ERGIC2: variants seen among roughly 807,000 people sequenced by gnomAD.
The protein encoded by ERGIC2 is endoplasmic reticulum-Golgi intermediate compartment protein 2.
In ERGIC2, 31 loss-of-function variants were observed where a neutral mutation model predicts 52.5. The ratio of observed to expected loss-of-function variants is 0.59; its 90% CI spans 0.44 to 0.80. ERGIC2 has a LOEUF of 0.80. Among genes scored for constraint, ERGIC2 ranks in the 30% least tolerant of loss-of-function variants. ERGIC2 has a pLI of 0.00. For synonymous variants in ERGIC2, 129 were observed against 140.6 expected (o/e 0.92, Z 0.58); for missense variants, 395 against 455.2 (o/e 0.87, Z 1.20).
intron 5 of ERGIC2, among the ~76,000 whole-genome samples, chr12:29,365,157 G>T (rs1483259505): frequency 6.6e-6 from 1 of 151,998 alleles, no homozygotes; most frequent in Non-Finnish European, 1.5e-5. Context: ...CATGCACTCT[G>T]ATCTTTATTG....
chr12:29,369,847 A>G (rs1940413801), intron 3 of ERGIC2, among the ~76,000 whole-genome samples: 1 of 152,002 alleles, frequency 6.6e-6, no homozygotes, highest in Non-Finnish European at 1.5e-5. Context: ...TTTCCACAAT[A>G]TACATATCTA....
In ERGIC2 at chr12:29,339,170, C is replaced by T. The variant is rs1949819493; in HGVS notation, c.*1986G>A. ...AAATCAAAGGCAAAGCAGAATTTTGCTTTAAAGAAATTCCTTTCATAGGAG... is the reference window on the plus strand; with the variant it reads ...AAATCAAAGGCAAAGCAGAATTTTGTTTTAAAGAAATTCCTTTCATAGGAG... On this transcript the variant is annotated 3_prime_UTR_variant, in exon 14 of 14. Transcript: ENST00000360150. 2 of 152,060 alleles carry T rather than the reference C, an allele frequency of 1.3e-5. No individual in the cohort carries two copies. The highest frequency in any genetic ancestry group is 4.1e-4 in the South Asian group (2 of 4,822). 9.4% of individuals were successfully genotyped at this position (152,060 alleles called of 1,614,324 possible). A position where few individuals can be genotyped will look rare whatever the true frequency, so the allele number is the denominator to read the frequency against.
chr12:29,338,571 G>A lies in ERGIC2; in HGVS notation c.*2585C>T, dbSNP rs1949813957. ...AAGCAGGAGGATTGCTTGAACCCAG[G>A]AGTTCGAGGATGCAGTGAGTTACAA... On this transcript the variant is annotated 3_prime_UTR_variant, in exon 14 of 14. Coordinates refer to ENST00000360150, the MANE Select transcript of ERGIC2 (RefSeq NM_016570.3). The A allele has an allele frequency of 6.6e-6, 1 of 152,118 alleles. No homozygotes were observed. Among genetic ancestry groups the A allele is most frequent in the South Asian group, 2.1e-4 (1 of 4,820 alleles). The allele number at this position is 152,118 out of a possible 1,614,324, so 9.4% of individuals were successfully genotyped here.
At chr12:29,343,359 A>C (rs1949852851) in intron 11 of ERGIC2, 77 bp from the exon 12 acceptor site, 1 of 1,184,358 alleles carries the variant, frequency 8.4e-7, no homozygotes, top group African/African-American at 1.5e-5. Flanking sequence ...TTACTTACAT[A>C]CATTCAATAT....
rs375227049 is a variant in ERGIC2, at chr12:29,343,208, A to T, written c.900T>A (p.Leu300=). 18 of 1,611,220 alleles carry T rather than the reference A, an allele frequency of 1.1e-5. No individual in the cohort carries two copies. The highest frequency in any genetic ancestry group is 1.3e-5 in the African/African-American group (1 of 74,886). The change falls in exon 12 of 14, where the codon CTT becomes CTA. Residue 300 remains leucine (L), a synonymous_variant. Transcript: ENST00000360150. ...GIFMKYDLSS[L]MVTVTEEHMP... ...TGTGCTCCTCAGTAACTGTCACCAT[A>T]AGAGAACTGAGATCATATTTCATAA...
intron 5 of ERGIC2, among the ~76,000 whole-genome samples, chr12:29,362,226 G>A (rs1165018535): frequency 6.6e-6 from 1 of 152,154 alleles, no homozygotes; most frequent in Non-Finnish European, 1.5e-5. Flanking sequence ...CAGAGTCAGA[G>A]AAAAATATGC....
At chr12:29,353,931 A>G (rs970264096) in intron 8 of ERGIC2, among the ~76,000 whole-genome samples, 1 of 152,156 alleles carries the variant, frequency 6.6e-6, no homozygotes, top group African/African-American at 2.4e-5. Flanking sequence ...TTTCTACCCT[A>G]TCAGACAAGA....
At chr12:29,379,445 T>C (rs899586038) in intron 1 of ERGIC2, among the ~76,000 whole-genome samples, 12 of 152,188 alleles carry the variant, frequency 7.9e-5, no homozygotes, top group Admixed American at 7.9e-4. Flanking sequence ...TAAGGACACA[T>C]TAACCACACC....
At chr12:29,342,647 T>C (rs1008990084) in intron 12 of ERGIC2, among the ~76,000 whole-genome samples, 5 of 152,226 alleles carry the variant, frequency 3.3e-5, no homozygotes, top group African/African-American at 1.2e-4. Context: ...CAAATCTAGT[T>C]TCATGTATTG....
chr12:29,381,000 TGAA>T (rs1940581240), intron 1 of ERGIC2, 112 bp downstream of exon 1: 2 of 152,224 alleles, frequency 1.3e-5, no homozygotes, highest in South Asian at 4.1e-4. Context: ...TAGAGATCAA[TGAA>T]GACAGGAAGC....
chr12:29,366,799 A>T (rs978897040), intron 5 of ERGIC2, 78 bp downstream of exon 5: 3 of 741,558 alleles, frequency 4.0e-6, no homozygotes, highest in Middle Eastern at 2.5e-4. Flanking sequence ...TTCAGACAAA[A>T]CTAAAAGCAA....
intron 1 of ERGIC2, among the ~76,000 whole-genome samples, chr12:29,374,472 T>C (rs1246134179): frequency 6.6e-6 from 1 of 152,182 alleles, no homozygotes; most frequent in Non-Finnish European, 1.5e-5. Context: ...AATCTGCATG[T>C]TGATTTATCC....
chr12:29,357,225 C>G (rs1055180852), intron 7 of ERGIC2, among the ~76,000 whole-genome samples: 13 of 152,128 alleles, frequency 8.5e-5, no homozygotes, highest in Non-Finnish European at 1.5e-4. Context: ...CCACCTTGGC[C>G]TCCAAAAGTG....
Position 29,349,164 on chromosome 12 carries a change from AG to A in ERGIC2, c.641del (p.Ser214PhefsTer4). 6.4e-7 allele frequency: 1 copy of A among 1,553,312 alleles called. No homozygotes were observed. The highest frequency in any genetic ancestry group is 2.4e-5 in the East Asian group (1 of 42,308). Reference protein sequence around the residue: ...ALVNHESYNFSHRIDHLSFGE... With the variant: ...ALVNHESYNFXHRIDHLSFGE... ...CAAAAGACAAATGATCTATTCTATG[AG>A]AAAAATTGTAAGCTAAAAGGCAAAA... is the stretch of plus-strand genomic sequence containing the variant. On this transcript the variant is annotated frameshift_variant, in exon 10 of 14. Coordinates refer to ENST00000360150, the MANE Select transcript of ERGIC2 (RefSeq NM_016570.3). LOFTEE classifies it high-confidence loss of function.
chr12:29,341,912 G>A (rs1949843181), intron 12 of ERGIC2, 96 bp from the exon 13 acceptor site: 1 of 601,098 alleles, frequency 1.7e-6, no homozygotes, highest in South Asian at 2.3e-5. Context: ...AGAAAACAAA[G>A]CAGTTTGCAT....
rs774863550 is a variant in ERGIC2, at chr12:29,343,241, A to G, written c.867T>C (p.Ser289=). The G allele has an allele frequency of 5.6e-6, 9 of 1,610,546 alleles. No individual in the cohort carries two copies. The highest frequency in any genetic ancestry group is 7.6e-6 in the Non-Finnish European group (9 of 1,177,788). Residue 289 remains serine, a synonymous_variant, in exon 12 of 14, where the codon TCT becomes TCC. Transcript: ENST00000360150. The part of the protein sequence containing the change: ...INHAAGSHGV[S]GIFMKYDLSS... ...TGAGATCATATTTCATAAATATCCC[A>G]GAGACTCCATGGCTGCCTGCAGCAT... is the stretch of plus-strand genomic sequence containing the variant.
chr12:29,359,788 T>G (rs1286225937), intron 6 of ERGIC2, among the ~76,000 whole-genome samples: 1 of 151,916 alleles, frequency 6.6e-6, no homozygotes, highest in Non-Finnish European at 1.5e-5. Flanking sequence ...AAAGAAAAAT[T>G]TTTTGGAATA....
At chr12:29,347,764 CAT>C (rs1307152991) in intron 10 of ERGIC2, among the ~76,000 whole-genome samples, 2 of 151,926 alleles carry the variant, frequency 1.3e-5, no homozygotes, top group East Asian at 1.9e-4. Flanking sequence ...CTGAAAAAAA[CAT>C]ATATTACGAA....
chr12:29,368,159 C>T (rs1940390277), intron 4 of ERGIC2, 82 bp downstream of exon 4: 2 of 839,974 alleles, frequency 2.4e-6, no homozygotes, highest in Non-Finnish European at 4.0e-6. Flanking sequence ...AAATAAAGTA[C>T]AACCAGTGAT....
Sources: allele counts gnomAD v4.1 joint callset (sites outside exome capture counted in the v4.1 genomes callset), GRCh38; gene constraint gnomAD v4.1.1; transcripts MANE v1.5; gene names NCBI Gene and HGNC (gene_info 2026-07-23, HGNC 2026-07-21).